The following TAF13 variants were observed in gnomAD, a reference collection of about 807,000 sequenced individuals.
The protein encoded by TAF13 is transcription initiation factor TFIID subunit 13.
In TAF13, 9 loss-of-function variants were observed where a neutral mutation model predicts 18.7. The observed-to-expected ratio is 0.48, with a 90% CI of 0.29 to 0.84. TAF13 has a LOEUF of 0.84. Among genes scored for constraint, TAF13 ranks in the 40% least tolerant of loss-of-function variants. The pLI, the probability that TAF13 is intolerant of heterozygous loss-of-function variation, is 0.08. For missense variants in TAF13, 105 were observed against 146.5 expected (o/e 0.72, Z 1.46); for synonymous variants, 49 against 44.1 (o/e 1.11, Z -0.44).
Position 109,075,981 on chromosome 1 carries a change from G to T in TAF13, c.-34C>A. 2 of 1,614,146 alleles carry T rather than the reference G, an allele frequency of 1.2e-6. No homozygotes were observed. Among genetic ancestry groups the T allele is most frequent in the Non-Finnish European group, 1.7e-6 (2 of 1,180,042 alleles). On this transcript the variant is annotated 5_prime_UTR_variant, in exon 1 of 4. Transcript: ENST00000338366. Reference sequence around the variant, plus strand: ...CACGCCAACTCACAGCGTCCTGCCGGCTGGCTCCCAGCTGGTTACACTACT... The same window carrying T: ...CACGCCAACTCACAGCGTCCTGCCGTCTGGCTCCCAGCTGGTTACACTACT...
intron 3 of TAF13, 126 bp from the exon 4 acceptor site, chr1:109,064,819 T>G: frequency 1.3e-6 from 1 of 758,196 alleles, no homozygotes; most frequent in Non-Finnish European, 1.9e-6. Context: ...GGCTATTCAT[T>G]TGTGAATTAT....
At chr1:109,066,092 T>C (rs753348501) in intron 3 of TAF13, 43 bp downstream of exon 3, 2 of 1,513,048 alleles carry the variant, frequency 1.3e-6, no homozygotes, top group Non-Finnish European at 1.8e-6. Flanking sequence ...ATATTTCAAA[T>C]CTATTCTTCA....
At chr1:109,075,756 T>C (rs1457391663) in intron 1 of TAF13, among the ~76,000 whole-genome samples, 165 bp downstream of exon 1, 2 of 152,224 alleles carry the variant, frequency 1.3e-5, no homozygotes, top group Non-Finnish European at 2.9e-5. Context: ...TCTTCCTTCA[T>C]GTCCTTCCCC....
chr1:109,073,289 C>T (rs1457191931), intron 2 of TAF13, among the ~76,000 whole-genome samples: 2 of 151,954 alleles, frequency 1.3e-5, no homozygotes, highest in African/African-American at 4.8e-5. Context: ...CCTGTAATCC[C>T]AGCACTTTGG....
In TAF13 at chr1:109,064,496, G is replaced by A. The variant is rs771099747; in HGVS notation, c.*27C>T. On this transcript the variant is annotated 3_prime_UTR_variant, in exon 4 of 4. Coordinates refer to ENST00000338366, the MANE Select transcript of TAF13 (RefSeq NM_005645.4). Reference sequence around the variant, plus strand: ...ATTATTATATATGGTTTCCCCAGATGGTAATTTTCGGAAACTACAAAAAGT... The same window carrying A: ...ATTATTATATATGGTTTCCCCAGATAGTAATTTTCGGAAACTACAAAAAGT... 1 of 1,401,158 alleles carries A rather than the reference G, an allele frequency of 7.1e-7. No homozygotes were observed. The highest frequency in any genetic ancestry group is 2.7e-5 in the Admixed American group (1 of 36,474). 86.8% of individuals were successfully genotyped at this position (1,401,158 alleles called of 1,614,324 possible). A position where few individuals can be genotyped will look rare whatever the true frequency, so the allele number is the denominator to read the frequency against.
chr1:109,068,094 G>A (rs1475381639), intron 2 of TAF13, among the ~76,000 whole-genome samples: 2 of 152,116 alleles, frequency 1.3e-5, no homozygotes, highest in African/African-American at 2.4e-5. Flanking sequence ...TGGCTCACGT[G>A]AGCAGCTGAG....
At chr1:109,066,611 T>G (rs1185625909) in intron 2 of TAF13, among the ~76,000 whole-genome samples, 1 of 152,206 alleles carries the variant, frequency 6.6e-6, no homozygotes, top group Non-Finnish European at 1.5e-5. Flanking sequence ...GGTTTTTGTG[T>G]GTGGGCATGG....
At chr1:109,064,853 A>G (rs532875335) in intron 3 of TAF13, among the ~76,000 whole-genome samples, 160 bp from the exon 4 acceptor site, 5 of 151,716 alleles carry the variant, frequency 3.3e-5, no homozygotes, top group African/African-American at 9.7e-5. Flanking sequence ...TCCTTTGTCT[A>G]TTTTCTACTG....
intron 2 of TAF13, 33 bp downstream of exon 2, chr1:109,074,954 T>C: frequency 3.9e-6 from 6 of 1,540,372 alleles, no homozygotes; most frequent in Non-Finnish European, 5.3e-6. Flanking sequence ...GTTTTCATCA[T>C]CTATAACAAA....
chr1:109,075,177 G>T, intron 1 of TAF13, 112 bp from the exon 2 acceptor site: 1 of 868,812 alleles, frequency 1.2e-6, no homozygotes, highest in Non-Finnish European at 1.7e-6. Flanking sequence ...GCCAAAGGAA[G>T]CAGCAAAAAA....
In TAF13 at chr1:109,071,960, ATATATAT is replaced by A. The variant is rs1664064886; in HGVS notation, c.106+3020_106+3026del. Among the ~76,000 whole-genome samples the A allele has an allele frequency of 1.5e-3, 7 of 4,782 alleles. No homozygotes were observed. The Admixed American group carries it at 0.016, about 11-fold the overall frequency. 3.1% of individuals were successfully genotyped at this position (4,782 alleles called of 152,430 possible). A position where few individuals can be genotyped will look rare whatever the true frequency, so the allele number is the denominator to read the frequency against. On this transcript the variant is annotated intron_variant, in intron 2 of 3. Coordinates refer to ENST00000338366, the MANE Select transcript of TAF13 (RefSeq NM_005645.4). The stretch of plus-strand genomic sequence containing the variant: ...TGAGACTCTGTCTCAAAAAGAAAAT[ATATATAT>A]ATATATATACACACATATATATATA...
chr1:109,067,309 T>C (rs1663967451), intron 2 of TAF13, among the ~76,000 whole-genome samples: 1 of 151,564 alleles, frequency 6.6e-6, no homozygotes, highest in Non-Finnish European at 1.5e-5. Context: ...AAAACAAAAA[T>C]TAGCTGGGCG....
At position 109,064,681 on chromosome 1, in the gene TAF13, T is replaced by C. The variant is rs775584732; in HGVS notation, c.217A>G (p.Met73Val). The C allele has an allele frequency of 5.3e-6, 8 of 1,516,972 alleles. No individual in the cohort carries two copies. The highest frequency in any genetic ancestry group is 7.1e-6 in the Non-Finnish European group (8 of 1,133,968). The allele number at this position is 1,516,972 out of a possible 1,614,324, so 94.0% of individuals were successfully genotyped here. The change falls in exon 4 of 4, where the codon ATG becomes GTG. Residue 73 changes from methionine to valine, a missense_variant. Coordinates refer to ENST00000338366, the MANE Select transcript of TAF13 (RefSeq NM_005645.4). ...EFITEMTHKA[M>V]SIGRQGRVQV... is the part of the protein sequence containing the mutation. ...ACTCGACCTTGTCTTCCAATTGACATTGCCTTGTGAGTCTATTACAAAGAA... is the reference window on the plus strand; with the variant it reads ...ACTCGACCTTGTCTTCCAATTGACACTGCCTTGTGAGTCTATTACAAAGAA...
intron 3 of TAF13, among the ~76,000 whole-genome samples, 198 bp from the exon 4 acceptor site, chr1:109,064,891 T>C (rs143784201): frequency 0.019 from 2,924 of 152,238 alleles, 90 homozygotes; most frequent in African/African-American, 0.065. Context: ...TCCTTTATGC[T>C]TCACAGGCAC....
chr1:109,070,145 T>G (rs1664023460), intron 2 of TAF13, among the ~76,000 whole-genome samples: 2 of 152,204 alleles, frequency 1.3e-5, no homozygotes, highest in Non-Finnish European at 2.9e-5. Context: ...ACTATTTAGT[T>G]GTCATGCCTC....
chr1:109,074,897 G>T, intron 2 of TAF13, 90 bp downstream of exon 2: 1 of 960,222 alleles, frequency 1.0e-6, no homozygotes, highest in Non-Finnish European at 1.6e-6. Flanking sequence ...ATCCCTACAG[G>T]GAAACATTCA....
At chr1:109,073,907 G>A (rs996659020) in intron 2 of TAF13, among the ~76,000 whole-genome samples, 7 of 150,840 alleles carry the variant, frequency 4.6e-5, no homozygotes, top group Admixed American at 1.3e-4. Flanking sequence ...CCGCTACTCC[G>A]TCTGGGAGGT....
intron 2 of TAF13, 128 bp downstream of exon 2, chr1:109,074,857 CAG>C: frequency 3.0e-6 from 2 of 666,812 alleles, no homozygotes; most frequent in Non-Finnish European, 5.0e-6. Context: ...AAAAGTTAAA[CAG>C]AATTTGATAG....
At position 109,064,539 on chromosome 1, in the gene TAF13, G is replaced by A; in HGVS notation, c.359C>T (p.Ala120Val). 6.6e-7 allele frequency: 1 copy of A among 1,506,874 alleles called. No homozygotes were observed. The highest frequency in any genetic ancestry group is 8.9e-7 in the Non-Finnish European group (1 of 1,127,126). 93.3% of individuals were successfully genotyped at this position (1,506,874 alleles called of 1,614,324 possible). A position where few individuals can be genotyped will look rare whatever the true frequency, so the allele number is the denominator to read the frequency against. Residue 120 changes from alanine to valine, a missense_variant, in exon 4 of 4, where the codon GCA becomes GTA. Ala to Val is a moderately conservative substitution (Grantham distance 64). Coordinates refer to ENST00000338366, the MANE Select transcript of TAF13 (RefSeq NM_005645.4). ...CAAAAAGTGTCAAGATCCATAATTT[G>A]CTTCATCAAATGCTTTTCTAGCTCG... ...LKRARKAFDEANYGS is the reference protein window; with the variant it reads ...LKRARKAFDEVNYGS
Sources: allele counts gnomAD v4.1 joint callset (sites outside exome capture counted in the v4.1 genomes callset), GRCh38; gene constraint gnomAD v4.1.1; transcripts MANE v1.5; gene names NCBI Gene and HGNC (gene_info 2026-07-23, HGNC 2026-07-21).